The following SEC16B variants were observed in gnomAD, a reference collection of about 807,000 sequenced individuals.
SEC16B encodes the protein SEC16 homolog B, endoplasmic reticulum export factor.
In SEC16B, 115 loss-of-function variants were observed where a neutral mutation model predicts 141.8. The ratio of observed to expected loss-of-function variants is 0.81; its 90% confidence interval spans 0.70 to 0.95. The LOEUF (loss-of-function observed/expected upper bound fraction) is 0.95. Among genes scored for constraint, SEC16B ranks in the 40% least tolerant of loss-of-function variants. The pLI, the probability that SEC16B is intolerant of heterozygous loss-of-function variation, is 0.00. For missense variants in SEC16B, 1,291 were observed against 1,312.3 expected, an observed-to-expected ratio of 0.98 and a Z score of 0.25; for synonymous variants, 493 against 492.5, an observed-to-expected ratio of 1.00 and a Z score of -0.01.
At chr1:177,940,752 A>G (rs1371300887) in intron 16 of SEC16B, 38 bp from the exon 17 acceptor site, 1 of 1,433,712 alleles carries the variant, frequency 7.0e-7, no homozygotes, top group Non-Finnish European at 9.8e-7. Flanking sequence ...GGCAGAAAGT[A>G]AGAGAGGAGA....
intron 1 of SEC16B, among the ~76,000 whole-genome samples, chr1:177,981,124 T>C (rs1388379263): frequency 2.6e-5 from 4 of 152,194 alleles, no homozygotes; most frequent in African/African-American, 7.2e-5. Context: ...AGTTATATGA[T>C]AAAAGCCAGG....
intron 10 of SEC16B, 144 bp from the exon 11 acceptor site, chr1:177,954,520 A>G (rs998576443): frequency 1.4e-5 from 9 of 629,666 alleles, no homozygotes; most frequent in Non-Finnish European, 2.3e-5. Flanking sequence ...GTGAACAGCC[A>G]GGAAGCAGAC....
In SEC16B at chr1:177,960,957, C is replaced by T. The variant is rs778603806; in HGVS notation, c.788-18G>A. 2 of 1,613,150 alleles carry T rather than the reference C, an allele frequency of 1.2e-6. No individual in the cohort carries two copies. The highest frequency in any genetic ancestry group is 2.2e-5 in the East Asian group (1 of 44,858). ...GGAGACATCTTCTGACCAACAGACA[C>T]AGATGGACATTGTTAGCGTTACTTC... On this transcript the variant is annotated intron_variant, in intron 6 of 25. Coordinates refer to ENST00000308284, the MANE Select transcript of SEC16B (RefSeq NM_033127.4).
intron 1 of SEC16B, among the ~76,000 whole-genome samples, chr1:177,982,268 T>C (rs2102034341): frequency 6.6e-6 from 1 of 152,248 alleles, no homozygotes; most frequent in Non-Finnish European, 1.5e-5. Flanking sequence ...TATTATAAAA[T>C]GGGAGAGACT....
At chr1:177,948,526 T>C (rs764844636) in intron 12 of SEC16B, 345 of 1,304,308 alleles carry the variant, frequency 2.6e-4, no homozygotes, top group Middle Eastern at 2.1e-3. Flanking sequence ...GCTAGGACGA[T>C]GCAGAGGCAG....
chr1:177,964,120 C>T, intron 5 of SEC16B, 51 bp downstream of exon 5: 2 of 1,348,874 alleles, frequency 1.5e-6, no homozygotes, highest in Non-Finnish European at 1.0e-6. Flanking sequence ...CTGACAGTGT[C>T]AGCTGCGACA....
chr1:177,958,765 T>C (rs1652826125), intron 9 of SEC16B, 75 bp downstream of exon 9: 5 of 1,506,386 alleles, frequency 3.3e-6, no homozygotes, highest in Non-Finnish European at 4.4e-6. Context: ...AATCATGTCA[T>C]AAACATAATC....
In SEC16B at chr1:177,928,870, A is replaced by G. The variant is rs1044017592; in HGVS notation, c.*988T>C. 2 of 152,162 alleles carry G rather than the reference A, an allele frequency of 1.3e-5. No homozygotes were observed. Among genetic ancestry groups the G allele is most frequent in the Admixed American group, 6.5e-5 (1 of 15,278 alleles). The allele number at this position is 152,162 out of a possible 1,614,324, so 9.4% of individuals were successfully genotyped here. A position where few individuals can be genotyped will look rare whatever the true frequency, so the allele number is the denominator to read the frequency against. On this transcript the variant is annotated 3_prime_UTR_variant, in exon 26 of 26. Transcript: ENST00000308284. ...ACGTACTAAACCTGTATTTACAATT[A>G]CATGTACAAAAAAAAATGTTCTTTG... is the stretch of plus-strand genomic sequence containing the variant.
chr1:177,940,526 A>G, intron 17 of SEC16B, 84 bp downstream of exon 17: 1 of 926,324 alleles, frequency 1.1e-6, no homozygotes, highest in Admixed American at 1.9e-5. Context: ...TGCTAATGTC[A>G]GTGCCTACCT....
chr1:177,954,664 C>T (rs532688416), intron 10 of SEC16B, among the ~76,000 whole-genome samples: 3 of 152,256 alleles, frequency 2.0e-5, no homozygotes, highest in East Asian at 1.9e-4. Context: ...GCAAAAGTTT[C>T]GTAGCACTTG....
At chr1:177,982,008 TA>T (rs2102033834) in intron 1 of SEC16B, among the ~76,000 whole-genome samples, 1 of 152,176 alleles carries the variant, frequency 6.6e-6, no homozygotes, top group African/African-American at 2.4e-5. Context: ...TAGTTTAAGG[TA>T]AAAAGCAGAG....
chr1:177,930,012 G>A, intron 25 of SEC16B, 83 bp from the exon 26 acceptor site: 2 of 1,345,164 alleles, frequency 1.5e-6, no homozygotes, highest in South Asian at 2.5e-5. Flanking sequence ...TGGAGCTAGG[G>A]CACCCTGAGC....
intron 2 of SEC16B, among the ~76,000 whole-genome samples, 188 bp from the exon 3 acceptor site, chr1:177,966,193 C>T (rs558172155): frequency 3.9e-4 from 59 of 152,230 alleles, no homozygotes; most frequent in African/African-American, 1.1e-3. Flanking sequence ...GCCTTTGTTG[C>T]ACAACAGGAG....
intron 10 of SEC16B, 83 bp from the exon 11 acceptor site, chr1:177,954,459 G>T: frequency 9.1e-7 from 1 of 1,103,426 alleles, no homozygotes; most frequent in Non-Finnish European, 1.3e-6. Flanking sequence ...GCTGCATCCT[G>T]AGCAGCAGAG....
At chr1:177,953,965 T>G (rs986824661) in intron 11 of SEC16B, among the ~76,000 whole-genome samples, 66 of 151,990 alleles carry the variant, frequency 4.3e-4, no homozygotes, top group Non-Finnish European at 1.2e-4. Context: ...TCGCTACCCC[T>G]CATTACCAGA....
chr1:177,939,781 T>C lies in SEC16B; in HGVS notation c.2128-4A>G. 1 of 1,568,934 alleles carries C rather than the reference T, an allele frequency of 6.4e-7. No homozygotes were observed. The highest frequency in any genetic ancestry group is 1.9e-5 in the Admixed American group (1 of 53,840). On this transcript the variant is annotated splice_polypyrimidine_tract_variant and splice_region_variant and intron_variant, in intron 17 of 25. Transcript: ENST00000308284. The stretch of plus-strand genomic sequence containing the variant: ...CAATGTCTCCTGCTACCTTTTGCTA[T>C]TTAAAATAAAGTAAAATTCCTTTTA...
chr1:177,948,517 C>T (rs1033479660), intron 12 of SEC16B: 3 of 1,304,126 alleles, frequency 2.3e-6, no homozygotes, highest in Non-Finnish European at 2.0e-6. Context: ...AGTGGCCCAG[C>T]TAGGACGATG....
At chr1:177,950,567 TAGAG>T (rs915365327) in intron 12 of SEC16B, among the ~76,000 whole-genome samples, 1 of 151,560 alleles carries the variant, frequency 6.6e-6, no homozygotes. Flanking sequence ...ACATGAAAAA[TAGAG>T]AGGAGAGAGA....
intron 1 of SEC16B, among the ~76,000 whole-genome samples, chr1:177,969,670 C>G (rs1461428337): frequency 6.6e-6 from 1 of 152,150 alleles, no homozygotes; most frequent in African/African-American, 2.4e-5. Flanking sequence ...GACATCAACT[C>G]CAGCAAATCA....
Sources: allele counts gnomAD v4.1 joint callset (sites outside exome capture counted in the v4.1 genomes callset), GRCh38; gene constraint gnomAD v4.1.1; transcripts MANE v1.5; gene names NCBI Gene and HGNC (gene_info 2026-07-23, HGNC 2026-07-21).